The following TNRC18 variants were observed in gnomAD, a reference collection of about 807,000 sequenced individuals.
TNRC18 encodes trinucleotide repeat-containing gene 18 protein.
TNRC18 carries 69 observed loss-of-function variants against 226.7 expected under a neutral mutation model. That is an observed-to-expected ratio of 0.30 (90% confidence interval 0.25 to 0.37). TNRC18 has a LOEUF of 0.37. Ranked by LOEUF, TNRC18 falls within the 10% of genes least tolerant of loss-of-function variation. The pLI, the probability that TNRC18 is intolerant of heterozygous loss-of-function variation, is 1.00. For missense variants in TNRC18, 4,754 were observed against 4,256.6 expected, an observed-to-expected ratio of 1.12 and a Z score of -3.25; for synonymous variants, 2,449 against 1,927.6, an observed-to-expected ratio of 1.27 and a Z score of -7.09.
rs764575387 is a variant in TNRC18, at chr7:5,421,103, C to A, written c.144G>T (p.Pro48=). ...LPASGLPGPL[P]PGKYMAGLNL... ...TCAGGCCGGCCATGTACTTCCCGGGCGGCAGCGGGCCGGGCAAGCCCGAGG... is the reference window on the plus strand; with the variant it reads ...TCAGGCCGGCCATGTACTTCCCGGGAGGCAGCGGGCCGGGCAAGCCCGAGG... Residue 48 remains proline, a synonymous_variant, in exon 2 of 30, where the codon CCG becomes CCT. Transcript: ENST00000430969. 49 of 1,474,336 alleles carry A rather than the reference C, an allele frequency of 3.3e-5. No homozygotes were observed. Among genetic ancestry groups the A allele is most frequent in the Non-Finnish European group, 4.3e-5 (47 of 1,103,672 alleles). 91.3% of individuals were successfully genotyped at this position (1,474,336 alleles called of 1,614,324 possible).
intron 18 of TNRC18, among the ~76,000 whole-genome samples, chr7:5,336,518 G>T (rs1223754297): frequency 6.6e-6 from 1 of 151,886 alleles, no homozygotes; most frequent in Non-Finnish European, 1.5e-5. Context: ...TGAGGCAGGA[G>T]GATCCCTGAG....
chr7:5,382,984 C>T (rs1464127768), intron 5 of TNRC18, among the ~76,000 whole-genome samples: 1 of 152,220 alleles, frequency 6.6e-6, no homozygotes, highest in African/African-American at 2.4e-5. Flanking sequence ...CCTCGACCTG[C>T]TGGGGTCAGG....
At position 5,387,926 on chromosome 7, in the gene TNRC18, G is replaced by C. The variant is rs1185798863; in HGVS notation, c.1898C>G (p.Ala633Gly). The change falls in exon 5 of 30, where the codon GCC (alanine) becomes GGC (glycine). Residue 633 changes from alanine to glycine, a missense_variant. Physicochemically the swap from Ala to Gly is moderately conservative, Grantham distance 60. Coordinates refer to ENST00000430969, the MANE Select transcript of TNRC18 (RefSeq NM_001080495.3). ...PAPTSAGASR[A>G]QARLPHSGGP... ...TCCGGAGTGTGGGAGACGGGCCTGG[G>C]CTCGGGAGGCACCCGCAGAGGTGGG... The C allele has an allele frequency of 6.3e-7, 1 of 1,595,738 alleles. No individual in the cohort carries two copies. The highest frequency in any genetic ancestry group is 1.3e-5 in the African/African-American group (1 of 74,672).
rs1191080407 is a variant in TNRC18 at position 5,307,577 on chromosome 7, G to C, written c.*529C>G. On this transcript the variant is annotated 3_prime_UTR_variant, in exon 30 of 30. Transcript: ENST00000430969. ...AGTCTAGGCCATCCTGAGAGGGTGGGGGCAGGGCCCCTGGCACAGTCAGGT... is the reference window on the plus strand; with the variant it reads ...AGTCTAGGCCATCCTGAGAGGGTGGCGGCAGGGCCCCTGGCACAGTCAGGT... The C allele has an allele frequency of 6.7e-6, 3 of 448,504 alleles. No individual in the cohort carries two copies. The highest frequency in any genetic ancestry group is 6.0e-5 in the African/African-American group (3 of 49,782). The allele number at this position is 448,504 out of a possible 1,614,324, so 27.8% of individuals were successfully genotyped here.
chr7:5,394,440 C>A lies in TNRC18; in HGVS notation c.343G>T (p.Gly115Cys). 1 of 1,539,534 alleles carries A rather than the reference C, an allele frequency of 6.5e-7. No individual in the cohort carries two copies. Among genetic ancestry groups the A allele is most frequent in the Non-Finnish European group, 8.7e-7 (1 of 1,143,972 alleles). Residue 115 changes from glycine to cysteine, a missense_variant and splice_region_variant, in exon 3 of 30, where the codon GGC becomes TGC. Gly to Cys is a radical substitution (Grantham distance 159). Transcript: ENST00000430969. The surrounding 1 kb of genome is among the most constrained non-coding windows in gnomAD (Gnocchi z 4.5). ...GCCCCGACCCCGGCATGTTCCTTAC[C>A]TTCATGGGCGTGGGCGGCCCACAGC... ...VQLWAAHAHE[G>C]FSHLPSGLYP...
chr7:5,352,780 G>A (rs1791960345), intron 16 of TNRC18, among the ~76,000 whole-genome samples: 2 of 152,250 alleles, frequency 1.3e-5, no homozygotes, highest in African/African-American at 4.8e-5. Flanking sequence ...TGGGAGGGGA[G>A]CCTGCCAGGC....
At chr7:5,419,689 C>T (rs1328549999) in intron 2 of TNRC18, 1 of 152,194 alleles carries the variant, frequency 6.6e-6, no homozygotes, top group Non-Finnish European at 1.5e-5. Context: ...GGGGCCAAGA[C>T]CTGGTTCTTG....
At chr7:5,322,370 C>T (rs1788469364) in intron 21 of TNRC18, among the ~76,000 whole-genome samples, 1 of 152,138 alleles carries the variant, frequency 6.6e-6, no homozygotes, top group South Asian at 2.1e-4. Context: ...AAGATCATAG[C>T]TCACTGCAGC....
rs771190935 is a variant in TNRC18, at chr7:5,324,219, G to A, written c.6437C>T (p.Thr2146Ile). The change falls in exon 21 of 30, where the codon ACC (threonine) becomes ATC (isoleucine). Residue 2146 changes from threonine (T) to isoleucine (I), a missense_variant. Transcript: ENST00000430969. This position sits in a 1 kb window ranked among gnomAD's most constrained non-coding sequence, Gnocchi z 4.8. Reference sequence around the variant, plus strand: ...GTGGCATCACGGCCACTCACCCGGGGTCAGCGGCCGCTCCACAGCCCCGCC... The same window carrying A: ...GTGGCATCACGGCCACTCACCCGGGATCAGCGGCCGCTCCACAGCCCCGCC... ...PRGGAVERPL[T>I]PAPRSCIIDK... The A allele has an allele frequency of 1.9e-6, 3 of 1,603,652 alleles. No homozygotes were observed. Among genetic ancestry groups the A allele is most frequent in the East Asian group, 4.5e-5 (2 of 44,590 alleles).
chr7:5,323,184 G>A (rs1419391202), intron 21 of TNRC18, among the ~76,000 whole-genome samples: 3 of 152,058 alleles, frequency 2.0e-5, no homozygotes, highest in East Asian at 1.9e-4. Context: ...TGGGGCGGCC[G>A]ACTCCTTCTC....
chr7:5,356,823 T>TGGG lies in TNRC18; in HGVS notation c.5194+92_5194+93insCCC. On this transcript the variant is annotated intron_variant, in intron 16 of 29. Coordinates refer to ENST00000430969, the MANE Select transcript of TNRC18 (RefSeq NM_001080495.3). The stretch of plus-strand genomic sequence containing the variant: ...GAGAGAGCGAGAGCGAGAGAGAGAG[T>TGGG]GAGGGGCGGGGGGGGAAGGAGGACG... The TGGG allele has an allele frequency of 3.2e-6, 4 of 1,261,282 alleles. No individual in the cohort carries two copies. In the African/African-American group the frequency reaches 1.1e-4, roughly 36 times the overall value. 78.1% of individuals were successfully genotyped at this position (1,261,282 alleles called of 1,614,324 possible). A position where few individuals can be genotyped will look rare whatever the true frequency, so the allele number is the denominator to read the frequency against.
Position 5,308,005 on chromosome 7 carries a change from C to A in TNRC18, c.*101G>T. The A allele has an allele frequency of 8.8e-7, 1 of 1,135,300 alleles. No individual in the cohort carries two copies. Among genetic ancestry groups the A allele is most frequent in the South Asian group, 1.5e-5 (1 of 66,752 alleles). The allele number at this position is 1,135,300 out of a possible 1,614,324, so 70.3% of individuals were successfully genotyped here. ...CCCCATGCACACGCCTGCAGGAGCG[C>A]TCGCATGCACACAACGCACGTGGTC... On this transcript the variant is annotated 3_prime_UTR_variant, in exon 30 of 30. Coordinates refer to ENST00000430969, the MANE Select transcript of TNRC18 (RefSeq NM_001080495.3).
At chr7:5,402,916 G>T (rs936727001) in intron 2 of TNRC18, among the ~76,000 whole-genome samples, 1 of 151,978 alleles carries the variant, frequency 6.6e-6, no homozygotes, top group South Asian at 2.1e-4. Context: ...CTGGAGGAAG[G>T]GTGCCCAGGC....
intron 5 of TNRC18, among the ~76,000 whole-genome samples, chr7:5,383,957 A>ATTTTTTTTTTTTTTTTTTTTTTT (rs765430615): frequency 1.3e-5 from 1 of 78,794 alleles, no homozygotes. Flanking sequence ...TACCCGGGTG[A>ATTTTTTTTTTTTTTTTTTTTTTT]TTTTTTTTTT....
intron 2 of TNRC18, among the ~76,000 whole-genome samples, chr7:5,401,844 T>G (rs1562622585): frequency 6.6e-6 from 1 of 151,990 alleles, no homozygotes; most frequent in Non-Finnish European, 1.5e-5. Flanking sequence ...TCTCAACACT[T>G]TGGAAGGCCA....
Position 5,371,299 on chromosome 7 carries a change from G to A in TNRC18, c.3295C>T (p.Leu1099=). 6.4e-7 allele frequency: 1 copy of A among 1,568,916 alleles called. No individual in the cohort carries two copies. Among genetic ancestry groups the A allele is most frequent in the Middle Eastern group, 1.7e-4 (1 of 5,882 alleles). The part of the protein sequence containing the change: ...PHYGRPYPFL[L]QPTAAADADG... ...GCGTCGGCGGCGGCCGTGGGCTGCA[G>A]CAGGAAAGGGTAGGGCCTCCCGTAG... Residue 1099 remains leucine, a synonymous_variant, in exon 11 of 30, where the codon CTG becomes TTG. Coordinates refer to ENST00000430969, the MANE Select transcript of TNRC18 (RefSeq NM_001080495.3).
At chr7:5,330,410 G>T (rs4724563) in intron 19 of TNRC18, among the ~76,000 whole-genome samples, 80,128 of 149,136 alleles carry the variant, frequency 0.54, 22,477 homozygotes, top group East Asian at 0.73. Flanking sequence ...TTGTTTTTTT[G>T]TTGTTTTTTT....
intron 25 of TNRC18, 138 bp downstream of exon 25, chr7:5,315,818 C>G (rs1422106421): frequency 2.0e-5 from 12 of 607,634 alleles, no homozygotes; most frequent in Non-Finnish European, 3.0e-5. Flanking sequence ...CTCACGGGAG[C>G]CCACCCATGG....
intron 24 of TNRC18, 185 bp downstream of exon 24, chr7:5,320,133 T>C (rs1583756109): frequency 3.4e-6 from 2 of 585,336 alleles, no homozygotes; most frequent in East Asian, 5.8e-5. Flanking sequence ...TACTCAGAGC[T>C]GGAGTCCTGA....
Sources: allele counts gnomAD v4.1 joint callset (sites outside exome capture counted in the v4.1 genomes callset), GRCh38; gene constraint gnomAD v4.1.1; non-coding constraint Gnocchi (gnomAD v3.1); transcripts MANE v1.5; gene names NCBI Gene and HGNC (gene_info 2026-07-23, HGNC 2026-07-21).